The following GLS2 variants were observed in gnomAD, a reference collection of about 807,000 sequenced individuals.
The protein encoded by GLS2 is glutaminase 2, also known as glutaminase liver isoform, mitochondrial.
A neutral mutation model predicts 79.0 loss-of-function variants in GLS2; 52 were observed. The ratio of observed to expected loss-of-function variants is 0.66; its 90% CI spans 0.53 to 0.83. The LOEUF is 0.83. Among genes scored for constraint, GLS2 ranks in the 40% least tolerant of loss-of-function variants. The probability of loss-of-function intolerance (pLI) is 0.00; values close to 1 mark genes in which losing one functional copy is unlikely to be tolerated. For missense variants in GLS2, 561 were observed against 764.8 expected, an observed-to-expected ratio of 0.73 and a Z score of 3.14; for synonymous variants, 238 against 280.8, an observed-to-expected ratio of 0.85 and a Z score of 1.52.
chr12:56,478,280 G>C lies in GLS2; in HGVS notation c.535-18C>G. 1 of 1,611,164 alleles carries C rather than the reference G, an allele frequency of 6.2e-7. No individual in the cohort carries two copies. The highest frequency in any genetic ancestry group is 1.1e-5 in the South Asian group (1 of 91,016). On this transcript the variant is annotated intron_variant, in intron 4 of 17. Coordinates refer to ENST00000311966, the MANE Select transcript of GLS2 (RefSeq NM_013267.4). ...GCTGCCACCTGGACATGAGTGGGTA[G>C]AGAAAAGGGAGATGGATGTGGAGAA...
intron 1 of GLS2, among the ~76,000 whole-genome samples, chr12:56,486,339 T>G (rs1870684662): frequency 6.6e-6 from 1 of 152,202 alleles, no homozygotes; most frequent in South Asian, 2.1e-4. Context: ...TCTAGTTCCC[T>G]ACTCTGCAGA....
At chr12:56,483,150 G>A (rs375731566) in intron 1 of GLS2, among the ~76,000 whole-genome samples, 1 of 144,284 alleles carries the variant, frequency 6.9e-6, no homozygotes, top group East Asian at 2.0e-4. Flanking sequence ...GTGTGATCTC[G>A]GCTCACTGTA....
At chr12:56,481,408 A>C (rs1002836444) in intron 1 of GLS2, among the ~76,000 whole-genome samples, 26 of 149,106 alleles carry the variant, frequency 1.7e-4, no homozygotes, top group African/African-American at 6.4e-4. Context: ...GGGTTTCACC[A>C]TTTCGGTCAG....
intron 2 of GLS2, 79 bp downstream of exon 2, chr12:56,480,209 G>T: frequency 8.1e-7 from 1 of 1,240,690 alleles, no homozygotes; most frequent in Non-Finnish European, 1.2e-6. Flanking sequence ...TAGCTGCCCT[G>T]CACTTGTCAT....
intron 1 of GLS2, among the ~76,000 whole-genome samples, chr12:56,486,260 C>T (rs911123969): frequency 6.6e-6 from 1 of 152,008 alleles, no homozygotes; most frequent in Non-Finnish European, 1.5e-5. Flanking sequence ...AAACAAGGTC[C>T]CCTAAAAACA....
At position 56,473,275 on chromosome 12, in the gene GLS2, G is replaced by A; in HGVS notation, c.1402C>T (p.His468Tyr). Residue 468 changes from histidine (H) to tyrosine (Y), a missense_variant, in exon 14 of 18, where the codon CAC (histidine) becomes TAC (tyrosine). Transcript: ENST00000311966. ...CGTGGGTCTAACTTCCGAGCACAGT[G>A]CCTCAGGTTGTCATAGTTGTGGAAA... is the stretch of plus-strand genomic sequence containing the variant. Reference protein sequence around the residue: ...FNFHNYDNLRHCARKLDPRRE... With the variant: ...FNFHNYDNLRYCARKLDPRRE... 6.2e-7 allele frequency: 1 copy of A among 1,614,114 alleles called. No homozygotes were observed. The highest frequency in any genetic ancestry group is 1.1e-5 in the South Asian group (1 of 91,082).
chr12:56,475,014 G>A, intron 10 of GLS2, 30 bp downstream of exon 10: 2 of 1,613,888 alleles, frequency 1.2e-6, no homozygotes, highest in Admixed American at 3.3e-5. Flanking sequence ...GAATTCCCAG[G>A]GACTTTCTCT....
chr12:56,487,586 T>G, intron 1 of GLS2: 1 of 352,622 alleles, frequency 2.8e-6, no homozygotes, highest in South Asian at 4.0e-5. Flanking sequence ...TCTCCTAAAA[T>G]ACACACGAGG....
chr12:56,479,757 GC>G, intron 3 of GLS2, 22 bp downstream of exon 3: 1 of 1,586,924 alleles, frequency 6.3e-7, no homozygotes, highest in Non-Finnish European at 8.6e-7. Flanking sequence ...AGAGAGCAGT[GC>G]CCTTGTTTCT....
intron 16 of GLS2, 80 bp from the exon 17 acceptor site, chr12:56,471,916 T>C: frequency 6.8e-7 from 1 of 1,469,184 alleles, no homozygotes; most frequent in South Asian, 1.1e-5. Flanking sequence ...CTGAAGTCTT[T>C]ACCAAGAGGG....
At chr12:56,480,481 C>T in intron 1 of GLS2, 94 bp from the exon 2 acceptor site, 1 of 899,000 alleles carries the variant, frequency 1.1e-6, no homozygotes, top group South Asian at 1.3e-5. Flanking sequence ...AGGTGAGTGT[C>T]CTCATTCTAT....
chr12:56,472,256 T>C (rs1869351619), intron 15 of GLS2, 61 bp from the exon 16 acceptor site: 1 of 1,458,960 alleles, frequency 6.9e-7, no homozygotes, highest in Non-Finnish European at 9.6e-7. Flanking sequence ...CAGGTGTTCT[T>C]TGTGAACTGG....
Position 56,478,057 on chromosome 12 carries a change from C to T in GLS2, c.654G>A (p.Gln218=). ...CATAGGTGAGGGGCTTCACACAGGA[C>T]TGCAGGCAGAAGGGGATCTTTGTGT... is the stretch of plus-strand genomic sequence containing the variant. ...VGHTKIPFCL[Q]SCVKPLTYAI... The change falls in exon 6 of 18, where the codon CAG becomes CAA. Residue 218 remains glutamine (Q), a synonymous_variant. Coordinates refer to ENST00000311966, the MANE Select transcript of GLS2 (RefSeq NM_013267.4). 6.2e-7 allele frequency: 1 copy of T among 1,614,202 alleles called. No individual in the cohort carries two copies. Among genetic ancestry groups the T allele is most frequent in the Non-Finnish European group, 8.5e-7 (1 of 1,180,024 alleles).
chr12:56,488,050 C>A lies in GLS2; in HGVS notation c.69G>T (p.Trp23Cys). 1 of 1,587,278 alleles carries A rather than the reference C, an allele frequency of 6.3e-7. No individual in the cohort carries two copies. Among genetic ancestry groups the A allele is most frequent in the Non-Finnish European group, 8.5e-7 (1 of 1,173,804 alleles). ...RAGSHCGRGGWGHPSRSPLLG... is the reference protein window; with the variant it reads ...RAGSHCGRGGCGHPSRSPLLG... ...GGAGGGGGCTCCGGCTCGGGTGACC[C>A]CAGCCTCCTCGCCCGCAGTGACTGC... is the stretch of plus-strand genomic sequence containing the variant. Residue 23 changes from tryptophan to cysteine, a missense_variant, in exon 1 of 18, where the codon TGG becomes TGT. This residue lies in a region of GLS2 where 161 missense variants were observed against 167.8 expected (regional missense o/e 0.96). Transcript: ENST00000311966.
chr12:56,474,753 G>C, intron 11 of GLS2, 33 bp from the exon 12 acceptor site: 1 of 1,610,424 alleles, frequency 6.2e-7, no homozygotes, highest in Non-Finnish European at 8.5e-7. Flanking sequence ...AAGATGTGAC[G>C]TGAACCTGCA....
intron 8 of GLS2, 26 bp from the exon 9 acceptor site, chr12:56,475,708 G>A (rs1475229672): frequency 6.2e-7 from 1 of 1,613,326 alleles, no homozygotes; most frequent in Non-Finnish European, 8.5e-7. Context: ...GGACATTGAG[G>A]CTCCACTTGG....
At position 56,472,108 on chromosome 12, in the gene GLS2, C is replaced by G. The variant is rs113650781; in HGVS notation, c.1588+11G>C. ...ATTACCCTCCTCCTCCCCTCCTTAACCCTTCAGTACCTTCAGCTGCAGCAA... is the reference window on the plus strand; with the variant it reads ...ATTACCCTCCTCCTCCCCTCCTTAAGCCTTCAGTACCTTCAGCTGCAGCAA... On this transcript the variant is annotated intron_variant, in intron 16 of 17. Transcript: ENST00000311966. The G allele has an allele frequency of 1.1e-5, 18 of 1,613,672 alleles. No individual in the cohort carries two copies. Among genetic ancestry groups the G allele is most frequent in the African/African-American group, 9.3e-5 (7 of 74,918 alleles).
chr12:56,471,000 A>G lies in GLS2; in HGVS notation c.*487T>C. ...TGAACACAAAATACTTTCTCTGTCTATAAAATTGGCTGTTAGCAGTAGCAG... is the reference window on the plus strand; with the variant it reads ...TGAACACAAAATACTTTCTCTGTCTGTAAAATTGGCTGTTAGCAGTAGCAG... On this transcript the variant is annotated 3_prime_UTR_variant, in exon 18 of 18. Coordinates refer to ENST00000311966, the MANE Select transcript of GLS2 (RefSeq NM_013267.4). 1 of 204,000 alleles carries G rather than the reference A, an allele frequency of 4.9e-6. No homozygotes were observed. Among genetic ancestry groups the G allele is most frequent in the Non-Finnish European group, 9.8e-6 (1 of 102,484 alleles). The allele number at this position is 204,000 out of a possible 1,614,324, so 12.6% of individuals were successfully genotyped here. A position where few individuals can be genotyped will look rare whatever the true frequency, so the allele number is the denominator to read the frequency against.
intron 1 of GLS2, among the ~76,000 whole-genome samples, chr12:56,482,176 A>G (rs1191657869): frequency 6.6e-6 from 1 of 152,168 alleles, no homozygotes; most frequent in Non-Finnish European, 1.5e-5. Flanking sequence ...GGTTATAGTC[A>G]GTCGAGATTG....
Sources: gnomAD v4.1 joint callset for allele counts (sites outside exome capture counted in the v4.1 genomes callset) on GRCh38, gnomAD v4.1.1 for gene constraint, gnomAD v4.1.1 regional missense constraint, MANE v1.5 for transcripts, NCBI Gene and HGNC (gene_info 2026-07-23, HGNC 2026-07-21) for gene names.